The following SLC4A10 variants were observed in gnomAD, a reference collection of about 807,000 sequenced individuals.
SLC4A10 encodes the protein sodium-driven chloride bicarbonate exchanger.
SLC4A10 carries 42 observed loss-of-function variants against 137.7 expected under a neutral mutation model. The observed-to-expected ratio is 0.30, with a 90% CI of 0.24 to 0.39. The LOEUF (loss-of-function observed/expected upper bound fraction) is 0.39. SLC4A10 is among the 10% of genes least tolerant of loss of function. The probability of loss-of-function intolerance (pLI) is 1.00; values close to 1 mark genes in which losing one functional copy is unlikely to be tolerated. For synonymous variants in SLC4A10, 474 were observed against 464.1 expected, an observed-to-expected ratio of 1.02 and a Z score of -0.27; for missense variants, 925 against 1,355.0, an observed-to-expected ratio of 0.68 and a Z score of 4.98.
chr2:161,660,259 C>T, intron 1 of SLC4A10, among the ~76,000 whole-genome samples: 1 of 152,218 alleles, frequency 6.6e-6, no homozygotes, highest in African/African-American at 2.4e-5. Context: ...TATTTAGGCT[C>T]TAACAACTAC....
At chr2:161,908,338 A>G (rs189173831) in intron 15 of SLC4A10, among the ~76,000 whole-genome samples, 91 of 151,310 alleles carry the variant, frequency 6.0e-4, no homozygotes, top group African/African-American at 2.2e-3. Context: ...TTGCAAGGAC[A>G]AAAAACCAAA....
At chr2:161,917,855 G>A (rs985784940) in intron 15 of SLC4A10, among the ~76,000 whole-genome samples, 5 of 152,130 alleles carry the variant, frequency 3.3e-5, no homozygotes, top group Non-Finnish European at 5.9e-5. Flanking sequence ...CACAAAGTAG[G>A]TGTTCAATAA....
rs541934674 is a variant in SLC4A10 at position 161,974,983 on chromosome 2, A to G, written c.3227+667A>G. On this transcript the variant is annotated intron_variant, in intron 24 of 26. Coordinates refer to ENST00000446997, the MANE Select transcript of SLC4A10 (RefSeq NM_001178015.2). Reference sequence around the variant, plus strand: ...TAAGTATCAATTAGTGCCCAATTTTATAGTCTCAAAGTCTTTATGAATAAT... The same window carrying G: ...TAAGTATCAATTAGTGCCCAATTTTGTAGTCTCAAAGTCTTTATGAATAAT... Among the ~76,000 whole-genome samples, 15 of 152,288 alleles carry G rather than the reference A, an allele frequency of 9.8e-5. No homozygotes were observed. The East Asian group carries it at 2.9e-3, about 29-fold the overall frequency.
At chr2:161,868,069 C>T (rs1224525557) in intron 6 of SLC4A10, among the ~76,000 whole-genome samples, 1 of 151,780 alleles carries the variant, frequency 6.6e-6, no homozygotes, top group Non-Finnish European at 1.5e-5. Context: ...TACATTTATG[C>T]AATATATTCT....
intron 21 of SLC4A10, among the ~76,000 whole-genome samples, chr2:161,962,760 A>T (rs1296062911): frequency 6.6e-6 from 1 of 152,182 alleles, no homozygotes; most frequent in Non-Finnish European, 1.5e-5. Flanking sequence ...GCCATAAGAC[A>T]TAGAACACAG....
At chr2:161,794,985 G>A (rs1164901943) in intron 2 of SLC4A10, among the ~76,000 whole-genome samples, 1 of 146,232 alleles carries the variant, frequency 6.8e-6, no homozygotes, top group Non-Finnish European at 1.5e-5. Context: ...ATTGAAAAAT[G>A]AGAAACAGTT....
At chr2:161,747,819 G>GA (rs2048538324) in intron 1 of SLC4A10, among the ~76,000 whole-genome samples, 1 of 152,156 alleles carries the variant, frequency 6.6e-6, no homozygotes, top group Non-Finnish European at 1.5e-5. Context: ...CTGGAAGAGG[G>GA]ATTGATGGAT....
chr2:161,765,885 A>G (rs892823355), intron 1 of SLC4A10, among the ~76,000 whole-genome samples: 2 of 152,120 alleles, frequency 1.3e-5, no homozygotes, highest in African/African-American at 4.8e-5. Flanking sequence ...CATTCCCTTC[A>G]TCATACCCCA....
At chr2:161,780,791 C>G (rs577117862) in intron 2 of SLC4A10, among the ~76,000 whole-genome samples, 1 of 151,670 alleles carries the variant, frequency 6.6e-6, no homozygotes, top group African/African-American at 2.4e-5. Flanking sequence ...TAAGCTTGAG[C>G]CTGGATAAAA....
intron 2 of SLC4A10, among the ~76,000 whole-genome samples, chr2:161,784,491 T>C (rs538296392): frequency 6.6e-6 from 1 of 152,024 alleles, no homozygotes; most frequent in African/African-American, 2.4e-5. Flanking sequence ...ATAGATCACA[T>C]ATTAAGCTGA....
chr2:161,951,811 TTAA>T (rs1157827663), intron 19 of SLC4A10, among the ~76,000 whole-genome samples: 2 of 152,234 alleles, frequency 1.3e-5, no homozygotes, highest in Non-Finnish European at 2.9e-5. Context: ...GCCATTACTT[TTAA>T]TAATAATAAT....
At chr2:161,660,167 A>G (rs888364240) in intron 1 of SLC4A10, among the ~76,000 whole-genome samples, 1 of 152,250 alleles carries the variant, frequency 6.6e-6, no homozygotes, top group Non-Finnish European at 1.5e-5. Flanking sequence ...TGTATGGTAT[A>G]TGAATTACAT....
chr2:161,894,072 A>T (rs2063196503), intron 10 of SLC4A10, among the ~76,000 whole-genome samples: 1 of 152,068 alleles, frequency 6.6e-6, no homozygotes, highest in African/African-American at 2.4e-5. Context: ...TCCTCTAAAT[A>T]TAGGAGTATA....
intron 1 of SLC4A10, among the ~76,000 whole-genome samples, chr2:161,671,422 A>T (rs1260185368): frequency 5.9e-5 from 9 of 152,180 alleles, no homozygotes; most frequent in African/African-American, 1.9e-4. Context: ...ACACTAATAG[A>T]CGGAGACAAT....
chr2:161,781,545 C>A (rs958977887), intron 2 of SLC4A10, among the ~76,000 whole-genome samples: 1 of 151,910 alleles, frequency 6.6e-6, no homozygotes, highest in Admixed American at 6.6e-5. Context: ...GCGATGAAAT[C>A]ATGTTTAATT....
Position 161,984,492 on chromosome 2 carries a change from T to C in SLC4A10, c.*1340T>C, listed in dbSNP as rs990892603. Reference sequence around the variant, plus strand: ...CTTTATAATACTCCAATATTCCGTTTTATAATAATTCAGAGCCCTGTGGCT... The same window carrying C: ...CTTTATAATACTCCAATATTCCGTTCTATAATAATTCAGAGCCCTGTGGCT... On this transcript the variant is annotated 3_prime_UTR_variant, in exon 27 of 27. Coordinates refer to ENST00000446997, the MANE Select transcript of SLC4A10 (RefSeq NM_001178015.2). The C allele has an allele frequency of 3.1e-4, 47 of 152,276 alleles. No homozygotes were observed. The highest frequency in any genetic ancestry group is 1.3e-4 in the Non-Finnish European group (9 of 67,982). The allele number at this position is 152,276 out of a possible 1,614,324, so 9.4% of individuals were successfully genotyped here. A position where few individuals can be genotyped will look rare whatever the true frequency, so the allele number is the denominator to read the frequency against.
At chr2:161,795,894 G>T (rs1048680415) in intron 2 of SLC4A10, among the ~76,000 whole-genome samples, 2 of 152,014 alleles carry the variant, frequency 1.3e-5, no homozygotes, top group South Asian at 2.1e-4. Flanking sequence ...AAATGAATCG[G>T]CATTTATTTA....
intron 1 of SLC4A10, among the ~76,000 whole-genome samples, chr2:161,644,820 T>C (rs763992804): frequency 1.3e-5 from 2 of 152,200 alleles, no homozygotes; most frequent in Admixed American, 6.5e-5. Flanking sequence ...TAAAAATTTT[T>C]ATTTCTATCC....
intron 6 of SLC4A10, among the ~76,000 whole-genome samples, chr2:161,867,246 T>C (rs2060815506): frequency 6.6e-6 from 1 of 152,002 alleles, no homozygotes; most frequent in African/African-American, 2.4e-5. Context: ...CTTTTACAAA[T>C]GCTGTACTTT....
Sources: allele counts gnomAD v4.1 joint callset (sites outside exome capture counted in the v4.1 genomes callset), GRCh38; gene constraint gnomAD v4.1.1; transcripts MANE v1.5; gene names NCBI Gene and HGNC (gene_info 2026-07-23, HGNC 2026-07-21).